The following FECH variants were observed in gnomAD, a reference collection of about 807,000 sequenced individuals.
FECH encodes the protein ferrochelatase.
Under a neutral mutation model 56.9 loss-of-function variants are expected in FECH, and 40 were observed. The ratio of observed to expected loss-of-function variants is 0.70; its 90% confidence interval spans 0.55 to 0.92. FECH has a LOEUF of 0.92. Among genes scored for constraint, FECH ranks in the 40% least tolerant of loss-of-function variants. The pLI, the probability that FECH is intolerant of heterozygous loss-of-function variation, is 0.00. For synonymous variants in FECH, 175 were observed against 198.6 expected (o/e 0.88, Z 1.00); for missense variants, 431 against 529.1 (o/e 0.81, Z 1.82).
chr18:57,562,150 A>G (rs1346192538), intron 6 of FECH, among the ~76,000 whole-genome samples: 1 of 152,220 alleles, frequency 6.6e-6, no homozygotes, highest in Non-Finnish European at 1.5e-5. Flanking sequence ...AAATGACTTA[A>G]TATTTCCCCT....
rs760513359 is a variant in FECH, at chr18:57,586,647, G to C, written c.-27C>G. The C allele has an allele frequency of 1.3e-5, 19 of 1,492,878 alleles. No individual in the cohort carries two copies. The highest frequency in any genetic ancestry group is 1.9e-4 in the Middle Eastern group (1 of 5,288). 92.5% of individuals were successfully genotyped at this position (1,492,878 alleles called of 1,614,324 possible). ...GCCTGGGCAGCCTCGGCCCGAGTCCGGGCTCCTCCCGCGGCGGCGCGCCCA... is the reference window on the plus strand; with the variant it reads ...GCCTGGGCAGCCTCGGCCCGAGTCCCGGCTCCTCCCGCGGCGGCGCGCCCA... On this transcript the variant is annotated 5_prime_UTR_variant, in exon 1 of 11. Transcript: ENST00000262093.
intron 2 of FECH, 60 bp downstream of exon 2, chr18:57,580,013 C>A (rs1386917672): frequency 6.2e-7 from 1 of 1,609,706 alleles, no homozygotes; most frequent in Admixed American, 1.7e-5. Flanking sequence ...CAGCTTGTGT[C>A]TATTGGTGTC....
intron 9 of FECH, 113 bp downstream of exon 9, chr18:57,554,147 A>T: frequency 8.8e-7 from 1 of 1,132,666 alleles, no homozygotes; most frequent in Non-Finnish European, 1.3e-6. Context: ...AGGACACCGT[A>T]CATGCAAACA....
chr18:57,557,516 G>A (rs2050884131), intron 7 of FECH, among the ~76,000 whole-genome samples: 1 of 152,148 alleles, frequency 6.6e-6, no homozygotes, highest in Non-Finnish European at 1.5e-5. Context: ...TACAAAAATG[G>A]GTTTCAGCCA....
At chr18:57,556,156 G>A (rs866039177) in intron 7 of FECH, among the ~76,000 whole-genome samples, 32 of 152,110 alleles carry the variant, frequency 2.1e-4, no homozygotes, top group African/African-American at 7.7e-4. Context: ...TATATATACT[G>A]ACAAATTATT....
At chr18:57,562,283 T>G (rs1451404138) in intron 6 of FECH, among the ~76,000 whole-genome samples, 5 of 152,188 alleles carry the variant, frequency 3.3e-5, no homozygotes, top group Admixed American at 2.0e-4. Flanking sequence ...TATGGTAACA[T>G]CAGTTCAAAG....
At chr18:57,584,079 C>G (rs2051327011) in intron 1 of FECH, among the ~76,000 whole-genome samples, 1 of 151,534 alleles carries the variant, frequency 6.6e-6, no homozygotes, top group Non-Finnish European at 1.5e-5. Context: ...ACTTGGGAGG[C>G]TGAGGCAGGA....
intron 2 of FECH, among the ~76,000 whole-genome samples, chr18:57,575,404 A>T (rs1049390382): frequency 6.6e-6 from 1 of 152,112 alleles, no homozygotes; most frequent in Non-Finnish European, 1.5e-5. Flanking sequence ...AACATTCTTT[A>T]TGTGCTCGAA....
At chr18:57,583,683 G>A (rs1258454283) in intron 1 of FECH, among the ~76,000 whole-genome samples, 4 of 152,162 alleles carry the variant, frequency 2.6e-5, no homozygotes, top group Non-Finnish European at 4.4e-5. Flanking sequence ...CAAACAGGCC[G>A]GGCATGGGGG....
At position 57,544,777 on chromosome 18, in the gene FECH, C is replaced by T. The variant is rs956018459; in HGVS notation, c.*5935G>A. On this transcript the variant is annotated 3_prime_UTR_variant, in exon 11 of 11. Coordinates refer to ENST00000262093, the MANE Select transcript of FECH (RefSeq NM_000140.5). ...TATGTACTGTGTTATTAACGTTTTTCCCATCACTTTCTTAAGTCTAAATAA... is the reference window on the plus strand; with the variant it reads ...TATGTACTGTGTTATTAACGTTTTTTCCATCACTTTCTTAAGTCTAAATAA... Among the ~76,000 whole-genome samples the T allele has an allele frequency of 9.9e-5, 15 of 152,122 alleles. No individual in the cohort carries two copies. The highest frequency in any genetic ancestry group is 5.2e-4 in the Admixed American group (8 of 15,262).
intron 1 of FECH, among the ~76,000 whole-genome samples, chr18:57,580,403 C>T (rs1450794384): frequency 2.3e-4 from 35 of 152,014 alleles, no homozygotes; most frequent in Admixed American, 2.2e-3. Context: ...CTAGGATGGC[C>T]GATGAGAGCC....
chr18:57,547,102 C>T lies in FECH; in HGVS notation c.*3610G>A, dbSNP rs2050730522. Among the ~76,000 whole-genome samples the T allele has an allele frequency of 6.6e-6, 1 of 151,960 alleles. No homozygotes were observed. The highest frequency in any genetic ancestry group is 1.5e-5 in the Non-Finnish European group (1 of 68,010). On this transcript the variant is annotated 3_prime_UTR_variant, in exon 11 of 11. Coordinates refer to ENST00000262093, the MANE Select transcript of FECH (RefSeq NM_000140.5). Reference sequence around the variant, plus strand: ...ATGGGAACATTTACCAATGTCTGTACTCCCATTGTATCTTGGAAGTCACTA... The same window carrying T: ...ATGGGAACATTTACCAATGTCTGTATTCCCATTGTATCTTGGAAGTCACTA...
At position 57,566,537 on chromosome 18, in the gene FECH, T is replaced by A; in HGVS notation, c.508A>T (p.Thr170Ser). 6.2e-7 allele frequency: 1 copy of A among 1,614,118 alleles called. No homozygotes were observed. The highest frequency in any genetic ancestry group is 8.5e-7 in the Non-Finnish European group (1 of 1,179,996). ...TCCATCTCTTCAATTGCTTCTTCTGTTAAAGGATGGACGTACCGAAATCCA... is the reference window on the plus strand; with the variant it reads ...TCCATCTCTTCAATTGCTTCTTCTGATAAAGGATGGACGTACCGAAATCCA... The part of the protein sequence containing the change: ...YIGFRYVHPL[T>S]EEAIEEMERD... Residue 170 changes from threonine (T) to serine (S), a missense_variant, in exon 5 of 11, where the codon ACA becomes TCA. By Grantham distance (58) the Thr-to-Ser change is moderately conservative (BLOSUM62 1). Transcript: ENST00000262093.
chr18:57,556,060 C>T (rs1172902987), intron 7 of FECH, among the ~76,000 whole-genome samples: 1 of 152,120 alleles, frequency 6.6e-6, no homozygotes, highest in Non-Finnish European at 1.5e-5. Flanking sequence ...ACTCAGGAGG[C>T]GGAAGCTGCA....
intron 1 of FECH, among the ~76,000 whole-genome samples, chr18:57,582,765 A>C (rs1240931933): frequency 6.6e-6 from 1 of 151,724 alleles, no homozygotes; most frequent in African/African-American, 2.4e-5. Flanking sequence ...TACAAAAAAA[A>C]AAAAAAAATT....
At chr18:57,565,384 T>C (rs1006637972) in intron 5 of FECH, among the ~76,000 whole-genome samples, 1 of 152,112 alleles carries the variant, frequency 6.6e-6, no homozygotes. Flanking sequence ...GGTGGGTGGA[T>C]CATTTGCGGC....
intron 3 of FECH, among the ~76,000 whole-genome samples, chr18:57,572,590 G>GT (rs1238123818): frequency 8.1e-5 from 8 of 99,070 alleles, no homozygotes; most frequent in South Asian, 3.6e-4. Flanking sequence ...TAACGAAGTG[G>GT]GGGGGGGGGT....
Position 57,567,403 on chromosome 18 carries a change from C to T in FECH, c.464-822G>A, listed in dbSNP as rs1157777188. ...AATACCCTCTTCTATCTTCTTTATCCTCCCGCATCTTCCTTTCTTGTAGTT... is the reference window on the plus strand; with the variant it reads ...AATACCCTCTTCTATCTTCTTTATCTTCCCGCATCTTCCTTTCTTGTAGTT... On this transcript the variant is annotated intron_variant, in intron 4 of 10. Transcript: ENST00000262093. Among the ~76,000 whole-genome samples the T allele has an allele frequency of 2.6e-5, 4 of 152,182 alleles. No individual in the cohort carries two copies. The South Asian group carries it at 6.2e-4, about 24-fold the overall frequency.
At chr18:57,575,932 C>T (rs7242089) in intron 2 of FECH, among the ~76,000 whole-genome samples, 38,722 of 152,064 alleles carry the variant, frequency 0.25, 5,480 homozygotes, top group African/African-American at 0.35. Flanking sequence ...TATGGCATTA[C>T]AATGAGATCA....
Sources: gnomAD v4.1 joint callset for allele counts (sites outside exome capture counted in the v4.1 genomes callset) on GRCh38, gnomAD v4.1.1 for gene constraint, MANE v1.5 for transcripts, NCBI Gene and HGNC (gene_info 2026-07-23, HGNC 2026-07-21) for gene names.